Variants in LRFN2 observed in about 807,000 individuals in gnomAD.
LRFN2 encodes leucine-rich repeat and fibronectin type-III domain-containing protein 2.
A neutral mutation model predicts 37.3 loss-of-function variants in LRFN2; 18 were observed. That is an observed-to-expected ratio of 0.48 (90% CI 0.33 to 0.72). The LOEUF is 0.72. Among genes scored for constraint, LRFN2 ranks in the 30% least tolerant of loss-of-function variants. The pLI, the probability that LRFN2 is intolerant of heterozygous loss-of-function variation, is 0.02. For synonymous variants in LRFN2, 556 were observed against 466.6 expected (o/e 1.19, Z -2.47); for missense variants, 1,006 against 1,060.7 (o/e 0.95, Z 0.72).
intron 1 of LRFN2, among the ~76,000 whole-genome samples, chr6:40,452,040 G>C (rs899702771): frequency 9.9e-5 from 15 of 152,112 alleles, no homozygotes; most frequent in African/African-American, 3.4e-4. Flanking sequence ...GGTCACTGTA[G>C]ATATCACCAT....
intron 2 of LRFN2, among the ~76,000 whole-genome samples, chr6:40,412,064 G>A (rs550798169): frequency 1.3e-5 from 2 of 152,196 alleles, no homozygotes; most frequent in South Asian, 2.1e-4. Context: ...CTCAATGGTC[G>A]GATATCTAAA....
chr6:40,420,722 C>T (rs1763208691), intron 2 of LRFN2, among the ~76,000 whole-genome samples: 1 of 152,212 alleles, frequency 6.6e-6, no homozygotes, highest in Non-Finnish European at 1.5e-5. Flanking sequence ...GGAGGAAATA[C>T]AATAAGCTAG....
chr6:40,418,948 A>G (rs910409865), intron 2 of LRFN2, among the ~76,000 whole-genome samples: 2 of 152,208 alleles, frequency 1.3e-5, no homozygotes, highest in East Asian at 1.9e-4. Flanking sequence ...TCTCAAAGTA[A>G]AGTCCCAAGA....
intron 1 of LRFN2, among the ~76,000 whole-genome samples, chr6:40,506,854 A>G (rs978949821): frequency 3.3e-5 from 5 of 151,906 alleles, no homozygotes; most frequent in East Asian, 3.9e-4. Flanking sequence ...TGGGCATCTC[A>G]TTTCTGCTCT....
intron 2 of LRFN2, among the ~76,000 whole-genome samples, chr6:40,398,493 G>A (rs1762661523): frequency 6.6e-6 from 1 of 151,758 alleles, no homozygotes; most frequent in Non-Finnish European, 1.5e-5. Flanking sequence ...CAGAGTGCAG[G>A]GCAAGGCGGA....
chr6:40,552,981 A>G (rs1698403466), intron 1 of LRFN2, among the ~76,000 whole-genome samples: 1 of 152,230 alleles, frequency 6.6e-6, no homozygotes, highest in South Asian at 2.1e-4. Flanking sequence ...TCAACAAGTT[A>G]GTAAGAGCTA....
At chr6:40,504,036 G>C (rs1340350602) in intron 1 of LRFN2, among the ~76,000 whole-genome samples, 1 of 152,030 alleles carries the variant, frequency 6.6e-6, no homozygotes, top group East Asian at 1.9e-4. Context: ...GAGGGCTTGT[G>C]GCATTAAGGG....
At chr6:40,412,981 C>A (rs1388080212) in intron 2 of LRFN2, among the ~76,000 whole-genome samples, 3 of 152,114 alleles carry the variant, frequency 2.0e-5, no homozygotes, top group East Asian at 3.9e-4. Context: ...GATCTTACAT[C>A]CTAGGAATCT....
rs572651648 is a variant in LRFN2 at position 40,456,053 on chromosome 6, C to T, written c.-18-22922G>A. On this transcript the variant is annotated intron_variant, in intron 1 of 2. Transcript: ENST00000338305. ...GCAGCCCCTAGGAAGAAGGAGAGAC[C>T]CGCAGGTTGACAGCCTGCAAGAGAG... Among the ~76,000 whole-genome samples the T allele has an allele frequency of 2.2e-4, 33 of 152,002 alleles. 1 individual carries two copies. In the East Asian group the frequency reaches 6.4e-3, roughly 29 times the overall value.
At position 40,432,116 on chromosome 6, in the gene LRFN2, G is replaced by A; in HGVS notation, c.998C>T (p.Ser333Phe). ...ATTGTCATAGACAGCGGTCCTTGAG[G>A]AGTTCCCTACCAGGCGGTCATCGGG... ...VAPDDRLVGNSSRTAVYDNGT... is the reference protein window; with the variant it reads ...VAPDDRLVGNFSRTAVYDNGT... The change falls in exon 2 of 3, where the codon TCC becomes TTC. Residue 333 changes from serine to phenylalanine, a missense_variant. Ser to Phe is a radical substitution (Grantham distance 155). Around this residue, in one of 4 missense-constraint regions of LRFN2, gnomAD observed 303 missense variants for 299.8 expected, o/e 1.01. Coordinates refer to ENST00000338305, the MANE Select transcript of LRFN2 (RefSeq NM_020737.3). 1 of 1,613,904 alleles carries A rather than the reference G, an allele frequency of 6.2e-7. No individual in the cohort carries two copies. The highest frequency in any genetic ancestry group is 2.2e-5 in the East Asian group (1 of 44,872).
chr6:40,451,531 G>C (rs1764107102), intron 1 of LRFN2, among the ~76,000 whole-genome samples: 1 of 152,188 alleles, frequency 6.6e-6, no homozygotes. Context: ...GCTTACATCT[G>C]GCCCCATGGT....
Position 40,392,043 on chromosome 6 carries a change from A to G in LRFN2, c.2270T>C (p.Leu757Pro). The G allele has an allele frequency of 6.2e-7, 1 of 1,613,898 alleles. No homozygotes were observed. Among genetic ancestry groups the G allele is most frequent in the Non-Finnish European group, 8.5e-7 (1 of 1,179,948 alleles). ...KVSNIWTKRS[L>P]SVNGMLLPFE... ...GGGCAAGAGCATGCCGTTGACAGAGAGGCTGCGCTTCGTCCAGATGTTCGA... is the reference window on the plus strand; with the variant it reads ...GGGCAAGAGCATGCCGTTGACAGAGGGGCTGCGCTTCGTCCAGATGTTCGA... The change falls in exon 3 of 3, where the codon CTC (leucine) becomes CCC (proline). Residue 757 changes from leucine (L) to proline (P), a missense_variant. This residue lies in a region of LRFN2 where 398 missense variants were observed against 327.6 expected (regional missense o/e 1.21). Coordinates refer to ENST00000338305, the MANE Select transcript of LRFN2 (RefSeq NM_020737.3). This position sits in a 1 kb window ranked among gnomAD's most constrained non-coding sequence, Gnocchi z 4.7.
chr6:40,412,864 T>A (rs1275667565), intron 2 of LRFN2, among the ~76,000 whole-genome samples: 1 of 151,920 alleles, frequency 6.6e-6, no homozygotes, highest in Non-Finnish European at 1.5e-5. Flanking sequence ...AAAGAACAAG[T>A]AGGTAAGAGA....
chr6:40,495,237 A>C (rs2113872395), intron 1 of LRFN2, among the ~76,000 whole-genome samples: 1 of 152,316 alleles, frequency 6.6e-6, no homozygotes, highest in East Asian at 1.9e-4. Context: ...AAGTCAATGA[A>C]ATCAGAGACC....
chr6:40,497,700 G>A (rs1765268904), intron 1 of LRFN2, among the ~76,000 whole-genome samples: 1 of 152,144 alleles, frequency 6.6e-6, no homozygotes, highest in Non-Finnish European at 1.5e-5. Flanking sequence ...AGGCTCTGCA[G>A]CACAGGTGTC....
intron 1 of LRFN2, among the ~76,000 whole-genome samples, chr6:40,473,144 GC>G (rs574311080): frequency 1.6e-3 from 236 of 152,210 alleles, no homozygotes; most frequent in African/African-American, 5.5e-3. Context: ...CTGGGCCCCA[GC>G]CAAACTCCAG....
At chr6:40,561,469 C>T (rs1282382669) in intron 1 of LRFN2, among the ~76,000 whole-genome samples, 1 of 152,212 alleles carries the variant, frequency 6.6e-6, no homozygotes, top group Non-Finnish European at 1.5e-5. Flanking sequence ...TCTATGGCTG[C>T]CGGGACCTGC....
At chr6:40,443,736 G>C (rs1392811383) in intron 1 of LRFN2, among the ~76,000 whole-genome samples, 1 of 152,190 alleles carries the variant, frequency 6.6e-6, no homozygotes, top group Non-Finnish European at 1.5e-5. Context: ...AAGGATGTTT[G>C]ATGAAGGGAC....
At chr6:40,442,808 C>T (rs1363097793) in intron 1 of LRFN2, among the ~76,000 whole-genome samples, 1 of 152,172 alleles carries the variant, frequency 6.6e-6, no homozygotes, top group South Asian at 2.1e-4. Flanking sequence ...CTGCTGAGGG[C>T]CTGGTCTCCC....
Sources: allele counts gnomAD v4.1 joint callset (sites outside exome capture counted in the v4.1 genomes callset), GRCh38; gene constraint gnomAD v4.1.1; regional missense constraint gnomAD v4.1.1; non-coding constraint Gnocchi (gnomAD v3.1); transcripts MANE v1.5; gene names NCBI Gene and HGNC (gene_info 2026-07-23, HGNC 2026-07-21).